DENND11: variants seen among roughly 807,000 people sequenced by gnomAD.
The protein encoded by DENND11 is DENN domain-containing protein 11.
DENND11 carries 34 observed loss-of-function variants against 49.2 expected under a neutral mutation model. That is an observed-to-expected ratio of 0.69 (90% CI 0.53 to 0.92). The LOEUF (loss-of-function observed/expected upper bound fraction) is 0.92. Ranked by LOEUF, DENND11 falls within the 40% of genes least tolerant of loss-of-function variation. The pLI is 0.00. For missense variants in DENND11, 475 were observed against 581.6 expected, an observed-to-expected ratio of 0.82 and a Z score of 1.88; for synonymous variants, 238 against 230.3, an observed-to-expected ratio of 1.03 and a Z score of -0.30.
rs775276953 is a variant in DENND11 at position 141,674,155 on chromosome 7, A to ACC, written c.591_592dup (p.Val198GlyfsTer30). The ACC allele has an allele frequency of 5.7e-6, 9 of 1,572,372 alleles. No homozygotes were observed. Among genetic ancestry groups the ACC allele is most frequent in the Non-Finnish European group, 6.9e-6 (8 of 1,158,742 alleles). On this transcript the variant is annotated frameshift_variant, in exon 4 of 9. Transcript: ENST00000536163. LOFTEE classifies it high-confidence loss of function. Reference sequence around the variant, plus strand: ...GCCTCTGCCGGGACCAGCATGGAGCACCCCCTTTTTGTCCTCATAGAAGGC... The same window carrying ACC: ...GCCTCTGCCGGGACCAGCATGGAGCACCCCCCCTTTTTGTCCTCATAGAAGGC...
intron 1 of DENND11, among the ~76,000 whole-genome samples, chr7:141,692,311 A>G (rs1563004764): frequency 6.6e-6 from 1 of 152,258 alleles, no homozygotes; most frequent in Non-Finnish European, 1.5e-5. Flanking sequence ...GAAAGGCAAG[A>G]GACCCCAAAT....
At chr7:141,665,379 G>A in intron 5 of DENND11, 61 bp from the exon 6 acceptor site, 1 of 1,598,834 alleles carries the variant, frequency 6.3e-7, no homozygotes. Flanking sequence ...TCCTCCCTCG[G>A]AGCCTGCGGC....
chr7:141,673,939 G>A (rs1392734587), intron 4 of DENND11, 128 bp downstream of exon 4: 4 of 1,171,608 alleles, frequency 3.4e-6, no homozygotes, highest in Admixed American at 5.5e-5. Flanking sequence ...TTGCAACTCT[G>A]TTCTATCAAA....
intron 1 of DENND11, among the ~76,000 whole-genome samples, chr7:141,699,519 G>C (rs1563007068): frequency 6.6e-6 from 1 of 152,046 alleles, no homozygotes; most frequent in Non-Finnish European, 1.5e-5. Flanking sequence ...ACACATTTAT[G>C]GTCAGTAAAG....
chr7:141,700,938 T>C (rs572986748), intron 1 of DENND11, among the ~76,000 whole-genome samples: 57 of 152,182 alleles, frequency 3.7e-4, no homozygotes, highest in Admixed American at 1.2e-3. Flanking sequence ...CCTGGAGACA[T>C]TGACAGTCAC....
At chr7:141,678,324 C>A (rs1358090219) in intron 3 of DENND11, among the ~76,000 whole-genome samples, 4 of 152,150 alleles carry the variant, frequency 2.6e-5, no homozygotes, top group African/African-American at 9.7e-5. Flanking sequence ...TATATTTGCA[C>A]ATGGGAAAAG....
intron 3 of DENND11, among the ~76,000 whole-genome samples, chr7:141,681,859 TGAA>T (rs1798152065): frequency 6.6e-6 from 1 of 152,202 alleles, no homozygotes; most frequent in Admixed American, 6.5e-5. Context: ...TGGAGGAAAA[TGAA>T]GAAAGAATCT....
intron 7 of DENND11, 89 bp from the exon 8 acceptor site, chr7:141,664,329 C>T: frequency 2.1e-6 from 2 of 968,142 alleles, no homozygotes; most frequent in South Asian, 2.9e-5. Context: ...CAATGGGCCA[C>T]CACCTCCCAG....
chr7:141,694,471 G>A (rs1297701871), intron 1 of DENND11, among the ~76,000 whole-genome samples: 1 of 152,062 alleles, frequency 6.6e-6, no homozygotes, highest in East Asian at 1.9e-4. Flanking sequence ...ATGTTGCCCA[G>A]GCTGGTCTTG....
Position 141,701,691 on chromosome 7 carries a change from G to C in DENND11, c.268+195C>G, listed in dbSNP as rs548820956. ...CCGAGAGGCCGCGCGCCAGCACCCA[G>C]CTGCGCCCCGAGGGAGAGAGCTGAG... On this transcript the variant is annotated intron_variant, in intron 1 of 8. Transcript: ENST00000536163. 0.034 allele frequency: 12,065 copies of C among 350,636 alleles called. 260 individuals are homozygous for C. The highest frequency in any genetic ancestry group is 0.045 in the Non-Finnish European group (9,653 of 215,420). 21.7% of individuals were successfully genotyped at this position (350,636 alleles called of 1,614,324 possible).
intron 3 of DENND11, among the ~76,000 whole-genome samples, chr7:141,675,741 T>G (rs1359324217): frequency 2.0e-5 from 3 of 151,856 alleles, no homozygotes; most frequent in East Asian, 1.9e-4. Flanking sequence ...ACAGCTCTTA[T>G]GTCAAAGTGA....
At chr7:141,664,876 C>G in intron 7 of DENND11, 28 bp downstream of exon 7, 1 of 1,596,604 alleles carries the variant, frequency 6.3e-7, no homozygotes, top group East Asian at 2.3e-5. Flanking sequence ...AGGGTGGAGC[C>G]CCTGGTTCTC....
intron 1 of DENND11, among the ~76,000 whole-genome samples, chr7:141,695,154 A>AT (rs565155621): frequency 6.6e-5 from 10 of 151,264 alleles, no homozygotes; most frequent in South Asian, 6.3e-4. Flanking sequence ...TTACTTCATG[A>AT]TTTTTTTTTG....
intron 3 of DENND11, among the ~76,000 whole-genome samples, chr7:141,683,381 C>A (rs576196346): frequency 6.6e-6 from 1 of 152,200 alleles, no homozygotes; most frequent in African/African-American, 2.4e-5. Context: ...TGGCTCATGC[C>A]GGTAATCCCA....
At chr7:141,668,126 A>T (rs927205649) in intron 4 of DENND11, among the ~76,000 whole-genome samples, 1 of 152,210 alleles carries the variant, frequency 6.6e-6, no homozygotes, top group East Asian at 1.9e-4. Context: ...GGCTTGCCCA[A>T]TGTATATTTT....
intron 3 of DENND11, among the ~76,000 whole-genome samples, chr7:141,674,957 GTT>G (rs1469288194): frequency 6.6e-6 from 1 of 152,086 alleles, no homozygotes; most frequent in Non-Finnish European, 1.5e-5. Flanking sequence ...TGTGAGGACT[GTT>G]TGTCACTATA....
At chr7:141,664,771 T>A in intron 7 of DENND11, 133 bp downstream of exon 7, 1 of 1,081,378 alleles carries the variant, frequency 9.2e-7, no homozygotes, top group Non-Finnish European at 1.3e-6. Context: ...CATTTCCATC[T>A]CCATCCCAGG....
intron 4 of DENND11, among the ~76,000 whole-genome samples, chr7:141,669,650 C>T (rs1054634205): frequency 6.6e-6 from 1 of 151,744 alleles, no homozygotes; most frequent in African/African-American, 2.4e-5. Context: ...CAATAAAAAG[C>T]TTAAAGATAT....
At chr7:141,673,593 T>C (rs1197339101) in intron 4 of DENND11, among the ~76,000 whole-genome samples, 1 of 152,210 alleles carries the variant, frequency 6.6e-6, no homozygotes, top group Admixed American at 6.5e-5. Context: ...TTCTTAGTCA[T>C]ATTTGCACCC....
Sources: gnomAD v4.1 joint callset for allele counts (sites outside exome capture counted in the v4.1 genomes callset) on GRCh38, gnomAD v4.1.1 for gene constraint, MANE v1.5 for transcripts, NCBI Gene and HGNC (gene_info 2026-07-23, HGNC 2026-07-21) for gene names.